Variants in GPRC5A observed in about 807,000 individuals in gnomAD.
GPRC5A encodes G protein-coupled receptor class C group 5 member A.
Under a neutral mutation model 22.5 loss-of-function variants are expected in GPRC5A, and 19 were observed. The observed-to-expected ratio is 0.85, with a 90% CI of 0.59 to 1.24. The LOEUF is 1.24. Ranked by LOEUF, GPRC5A falls within the 50% of genes most tolerant of loss-of-function variation. The probability of loss-of-function intolerance (pLI) is 0.00; values close to 1 mark genes in which losing one functional copy is unlikely to be tolerated. For missense variants in GPRC5A, 471 were observed against 451.1 expected (o/e 1.04, Z -0.40); for synonymous variants, 192 against 184.5 (o/e 1.04, Z -0.33).
At chr12:12,897,149 C>A (rs184459654) in intron 1 of GPRC5A, among the ~76,000 whole-genome samples, 1 of 147,164 alleles carries the variant, frequency 6.8e-6, no homozygotes, top group Non-Finnish European at 1.5e-5. Context: ...ATCGCTTTAA[C>A]CTGAGAGGCA....
At chr12:12,894,298 T>G in intron 1 of GPRC5A, among the ~76,000 whole-genome samples, 1 of 152,332 alleles carries the variant, frequency 6.6e-6, no homozygotes, top group South Asian at 2.1e-4. Flanking sequence ...TTTACACAAT[T>G]TTACCATGTT....
chr12:12,903,525 G>A (rs926616225), intron 1 of GPRC5A, among the ~76,000 whole-genome samples: 9 of 152,132 alleles, frequency 5.9e-5, no homozygotes, highest in African/African-American at 2.2e-4. Context: ...GGGCTCAAAC[G>A]ATCAGCCCGC....
intron 1 of GPRC5A, among the ~76,000 whole-genome samples, chr12:12,901,814 G>A (rs1321608439): frequency 6.7e-6 from 1 of 149,908 alleles, no homozygotes; most frequent in Non-Finnish European, 1.5e-5. Context: ...TCTACGTCAA[G>A]TGAAGGGTGG....
Position 12,908,584 on chromosome 12 carries a change from T to C in GPRC5A, c.335T>C (p.Leu112Pro), listed in dbSNP as rs146720603. 7.4e-5 allele frequency: 120 copies of C among 1,614,178 alleles called. No homozygotes were observed. The African/African-American group carries it at 1.4e-3, about 19-fold the overall frequency. Residue 112 changes from leucine (L) to proline (P), a missense_variant, in exon 2 of 4, where the codon CTG (leucine) becomes CCG (proline). Transcript: ENST00000014914. ...GILFSICFSC[L>P]LAHAVSLTKL... Reference sequence around the variant, plus strand: ...CTCTTTTCCATCTGCTTCTCCTGCCTGCTGGCTCATGCTGTCAGTCTGACC... The same window carrying C: ...CTCTTTTCCATCTGCTTCTCCTGCCCGCTGGCTCATGCTGTCAGTCTGACC...
rs1246164112 is a variant in GPRC5A, at chr12:12,915,645, C to T, written c.*3106C>T. ...TCCTTCTCCTCCTCCTCCTCCTCCA[C>T]CATGCCCGGCTGATTTTTGTATTTT... On this transcript the variant is annotated 3_prime_UTR_variant, in exon 4 of 4. Coordinates refer to ENST00000014914, the MANE Select transcript of GPRC5A (RefSeq NM_003979.4). 1.0e-5 allele frequency: 2 copies of T among 191,236 alleles called. No individual in the cohort carries two copies. The highest frequency in any genetic ancestry group is 2.3e-5 in the Non-Finnish European group (2 of 87,816). 11.8% of individuals were successfully genotyped at this position (191,236 alleles called of 1,614,324 possible). A position where few individuals can be genotyped will look rare whatever the true frequency, so the allele number is the denominator to read the frequency against.
intron 1 of GPRC5A, among the ~76,000 whole-genome samples, chr12:12,899,889 T>C (rs537876267): frequency 6.6e-6 from 1 of 152,320 alleles, no homozygotes; most frequent in South Asian, 2.1e-4. Context: ...CTTTGCAAGG[T>C]TCTGGGCCCC....
intron 1 of GPRC5A, 150 bp downstream of exon 1, chr12:12,891,814 C>G (rs1047284363): frequency 6.7e-6 from 1 of 150,200 alleles, no homozygotes; most frequent in African/African-American, 2.5e-5. Context: ...CCCTAGGAAA[C>G]AGTTCCTCTA....
chr12:12,909,007 G>T lies in GPRC5A; in HGVS notation c.758G>T (p.Gly253Val), dbSNP rs1166002564. Reference protein sequence around the residue: ...TILSSALAANGWVFLLAYVSP... With the variant: ...TILSSALAANVWVFLLAYVSP... ...CTCAGCTCCGCCTTGGCTGCCAATG[G>T]CTGGGTGTTCCTGTTGGCTTATGTT... Residue 253 changes from glycine (G) to valine (V), a missense_variant, in exon 2 of 4, where the codon GGC becomes GTC. Coordinates refer to ENST00000014914, the MANE Select transcript of GPRC5A (RefSeq NM_003979.4). 5.6e-6 allele frequency: 9 copies of T among 1,614,034 alleles called. 1 individual carries two copies. Among genetic ancestry groups the T allele is most frequent in the South Asian group, 3.3e-5 (3 of 91,088 alleles).
intron 1 of GPRC5A, among the ~76,000 whole-genome samples, chr12:12,900,551 T>C (rs1438718734): frequency 6.6e-6 from 1 of 152,100 alleles, no homozygotes; most frequent in African/African-American, 2.4e-5. Flanking sequence ...TCCCTCTTCC[T>C]CTTGTTCTTA....
intron 1 of GPRC5A, among the ~76,000 whole-genome samples, chr12:12,900,170 C>T (rs561930351): frequency 6.6e-6 from 1 of 152,336 alleles, no homozygotes; most frequent in South Asian, 2.1e-4. Context: ...CAGTCCCTTG[C>T]TGTGTCTCTT....
rs754082535 is a variant in GPRC5A at position 12,908,722 on chromosome 12, A to G, written c.473A>G (p.Asn158Ser). 2.5e-6 allele frequency: 4 copies of G among 1,613,922 alleles called. No individual in the cohort carries two copies. Among genetic ancestry groups the G allele is most frequent in the Admixed American group, 3.3e-5 (2 of 59,992 alleles). Residue 158 changes from asparagine (N) to serine (S), a missense_variant, in exon 2 of 4, where the codon AAT (asparagine) becomes AGT (serine). By Grantham distance (46) the Asn-to-Ser change is conservative. Transcript: ENST00000014914. Reference sequence around the variant, plus strand: ...ATTGAATATATTGTCCTGACCATGAATAGGACCAACGTCAATGTCTTTTCT... The same window carrying G: ...ATTGAATATATTGTCCTGACCATGAGTAGGACCAACGTCAATGTCTTTTCT... Reference protein sequence around the residue: ...IAIEYIVLTMNRTNVNVFSEL... With the variant: ...IAIEYIVLTMSRTNVNVFSEL...
rs144830738 is a variant in GPRC5A at position 12,908,507 on chromosome 12, C to T, written c.258C>T (p.Ile86=). ...TCTTTGGCCTCACCTTCGCCTTCAT[C>T]ATCGGACTGGACGGGAGCACAGGGC... is the stretch of plus-strand genomic sequence containing the variant. ...LGIFGLTFAF[I]IGLDGSTGPT... Residue 86 remains isoleucine, a synonymous_variant, in exon 2 of 4, where the codon ATC becomes ATT. Coordinates refer to ENST00000014914, the MANE Select transcript of GPRC5A (RefSeq NM_003979.4). 3.7e-3 allele frequency: 6,049 copies of T among 1,614,168 alleles called. 20 individuals carry two copies. Among genetic ancestry groups the T allele is most frequent in the Admixed American group, 4.5e-3 (273 of 60,018 alleles).
rs1373447587 is a variant in GPRC5A, at chr12:12,913,681, T to G, written c.*1142T>G. ...GTTACCAGTAATGAGCATTAGACTC[T>G]GGGGGATAGAACACGGGCTGCCCTG... On this transcript the variant is annotated 3_prime_UTR_variant, in exon 4 of 4. Transcript: ENST00000014914. 6.6e-6 allele frequency: 1 copy of G among 152,228 alleles called. No individual in the cohort carries two copies. The highest frequency in any genetic ancestry group is 2.4e-5 in the African/African-American group (1 of 41,454). 9.4% of individuals were successfully genotyped at this position (152,228 alleles called of 1,614,324 possible).
In GPRC5A at chr12:12,897,406, C is replaced by G. The variant is rs548936558; in HGVS notation, c.-8+5742C>G. On this transcript the variant is annotated intron_variant, in intron 1 of 3. Transcript: ENST00000014914. ...ATAATTCATGTGTTGAGGCAAAGAGCATGAGAAGACCTTAAATGAACCCAA... is the reference window on the plus strand; with the variant it reads ...ATAATTCATGTGTTGAGGCAAAGAGGATGAGAAGACCTTAAATGAACCCAA... Among the ~76,000 whole-genome samples the G allele has an allele frequency of 1.2e-3, 176 of 148,374 alleles. 3 individuals are homozygous for G. The highest frequency in any genetic ancestry group is 4.7e-3 in the Admixed American group (70 of 14,830).
intron 1 of GPRC5A, among the ~76,000 whole-genome samples, chr12:12,895,577 G>A (rs908812785): frequency 9.2e-5 from 14 of 151,758 alleles, no homozygotes; most frequent in Admixed American, 2.6e-4. Flanking sequence ...AGGCTTGTAA[G>A]GAGAGGTGAT....
At position 12,912,750 on chromosome 12, in the gene GPRC5A, T is replaced by C. The variant is rs1864018658; in HGVS notation, c.*211T>C. 2 of 500,216 alleles carry C rather than the reference T, an allele frequency of 4.0e-6. No individual in the cohort carries two copies. Among genetic ancestry groups the C allele is most frequent in the South Asian group, 3.6e-5 (1 of 27,742 alleles). The allele number at this position is 500,216 out of a possible 1,614,324, so 31.0% of individuals were successfully genotyped here. On this transcript the variant is annotated 3_prime_UTR_variant, in exon 4 of 4. Transcript: ENST00000014914. ...GTTCTTAGAGGCGCTGTAGTATTTT[T>C]TTTTTTTTGTCTCATCCTTTGGATA...
intron 2 of GPRC5A, chr12:12,909,937 T>TAAAAAAAAAAA (rs1158941504): frequency 4.2e-5 from 4 of 95,364 alleles, no homozygotes; most frequent in African/African-American, 4.1e-5. Flanking sequence ...CATCTCTATT[T>TAAAAAAAAAAA]AAAAAAAAAA....
chr12:12,910,862 C>A (rs577053313), intron 2 of GPRC5A, among the ~76,000 whole-genome samples: 1 of 150,654 alleles, frequency 6.6e-6, no homozygotes, highest in Non-Finnish European at 1.5e-5. Flanking sequence ...ATGTGCTTCA[C>A]CATCTCTCTC....
chr12:12,907,009 G>T (rs539592231), intron 1 of GPRC5A, among the ~76,000 whole-genome samples: 2 of 151,406 alleles, frequency 1.3e-5, no homozygotes, highest in African/African-American at 2.4e-5. Flanking sequence ...AGCCAAGATT[G>T]TGCCATTGCA....
Sources: gnomAD v4.1 joint callset for allele counts (sites outside exome capture counted in the v4.1 genomes callset) on GRCh38, gnomAD v4.1.1 for gene constraint, MANE v1.5 for transcripts, NCBI Gene and HGNC (gene_info 2026-07-23, HGNC 2026-07-21) for gene names.